The following BDP1 variants were observed in gnomAD, a reference collection of about 807,000 sequenced individuals.
BDP1 encodes the protein transcription factor TFIIIB component B'' homolog.
BDP1 carries 169 observed loss-of-function variants against 266.6 expected under a neutral mutation model. That is an observed-to-expected ratio of 0.63 (90% CI 0.56 to 0.72). The LOEUF (loss-of-function observed/expected upper bound fraction) is 0.72. Among genes scored for constraint, BDP1 ranks in the 30% least tolerant of loss-of-function variants. The pLI, the probability that BDP1 is intolerant of heterozygous loss-of-function variation, is 0.00. For missense variants in BDP1, 3,015 were observed against 3,053.8 expected (o/e 0.99, Z 0.30); for synonymous variants, 1,090 against 1,022.4 (o/e 1.07, Z -1.26).
chr5:71,512,506 T>A, intron 18 of BDP1, 78 bp downstream of exon 18: 2 of 974,934 alleles, frequency 2.1e-6, no homozygotes, highest in Non-Finnish European at 3.0e-6. Flanking sequence ...TTTCAAGATA[T>A]AACATATACA....
intron 2 of BDP1, among the ~76,000 whole-genome samples, 189 bp downstream of exon 2, chr5:71,459,044 A>T (rs539436312): frequency 6.6e-6 from 1 of 152,334 alleles, no homozygotes; most frequent in South Asian, 2.1e-4. Flanking sequence ...TTTTTCACTG[A>T]TAGTAATTTT....
At position 71,541,898 on chromosome 5, in the gene BDP1, G is replaced by A. The variant is rs555112156; in HGVS notation, c.6252-207G>A. Among the ~76,000 whole-genome samples, 4 of 152,222 alleles carry A rather than the reference G, an allele frequency of 2.6e-5. No homozygotes were observed. In the South Asian group the frequency reaches 8.3e-4, roughly 32 times the overall value. On this transcript the variant is annotated intron_variant, in intron 29 of 38. Transcript: ENST00000358731. ...TTTAATGAAATAGATTTATGTAAATGTCTCTGTTTTACAAATACAGACTAA... is the reference window on the plus strand; with the variant it reads ...TTTAATGAAATAGATTTATGTAAATATCTCTGTTTTACAAATACAGACTAA...
the BDP1 span, among the ~76,000 whole-genome samples, chr5:71,573,445 T>G: frequency 6.6e-6 from 1 of 152,082 alleles, no homozygotes; most frequent in Non-Finnish European, 1.5e-5. Context: ...ATCCAAATAA[T>G]GCACAGCAGC....
chr5:71,456,292 A>G (rs1044218525), intron 1 of BDP1, among the ~76,000 whole-genome samples: 11 of 152,206 alleles, frequency 7.2e-5, no homozygotes, highest in African/African-American at 2.4e-4. Flanking sequence ...GTCACGGTCT[A>G]TAGATTCTCC....
At chr5:71,494,032 A>G (rs1763740453) in intron 11 of BDP1, among the ~76,000 whole-genome samples, 1 of 152,240 alleles carries the variant, frequency 6.6e-6, no homozygotes, top group Non-Finnish European at 1.5e-5. Context: ...AGACATTTCT[A>G]TTAAGACGTA....
intron 7 of BDP1, among the ~76,000 whole-genome samples, chr5:71,478,436 A>G (rs1449543835): frequency 6.6e-6 from 1 of 152,190 alleles, no homozygotes; most frequent in African/African-American, 2.4e-5. Flanking sequence ...TCTACTGTTG[A>G]AAAATTTTCT....
At chr5:71,480,614 T>A (rs1262773362) in intron 7 of BDP1, among the ~76,000 whole-genome samples, 1 of 148,768 alleles carries the variant, frequency 6.7e-6, no homozygotes, top group Non-Finnish European at 1.5e-5. Context: ...TTGCCCAGGC[T>A]GGAGTTCAGT....
intron 26 of BDP1, among the ~76,000 whole-genome samples, chr5:71,533,468 A>AT (rs35347206): frequency 0.31 from 38,253 of 124,744 alleles, 6,672 homozygotes; most frequent in East Asian, 0.51. Flanking sequence ...TGTTCGGTGG[A>AT]TTTTTTTTTT....
In BDP1 at chr5:71,553,219, A is replaced by C; in HGVS notation, c.7099A>C (p.Arg2367=). Residue 2367 remains arginine, a synonymous_variant, in exon 35 of 39, where the codon AGG becomes CGG. Transcript: ENST00000358731. The part of the protein sequence containing the change: ...KPPDNLDLVS[R]KRFQCRLDKN... ...GCCTGATAATTTGGATCTTGTATCT[A>C]GGAAGAGATTTCAATGCAGGCTTGA... is the stretch of plus-strand genomic sequence containing the variant. The C allele has an allele frequency of 6.2e-7, 1 of 1,613,378 alleles. No homozygotes were observed. The highest frequency in any genetic ancestry group is 1.3e-5 in the African/African-American group (1 of 75,012).
At position 71,504,497 on chromosome 5, in the gene BDP1, T is replaced by A. The variant is rs1487253740; in HGVS notation, c.2242-124T>A. On this transcript the variant is annotated intron_variant, in intron 15 of 38. Transcript: ENST00000358731. ...TAAAGAAAAAACATTAAAAGTATTT[T>A]AAAGTCTCCATTTTATAATGTTGAA... 3 of 836,660 alleles carry A rather than the reference T, an allele frequency of 3.6e-6. No homozygotes were observed. The African/African-American group carries it at 5.2e-5, about 14-fold the overall frequency. The allele number at this position is 836,660 out of a possible 1,614,324, so 51.8% of individuals were successfully genotyped here. A position where few individuals can be genotyped will look rare whatever the true frequency, so the allele number is the denominator to read the frequency against.
rs201357054 is a variant in BDP1, at chr5:71,539,089, T to C, written c.5929+11T>C. The C allele has an allele frequency of 1.3e-4, 203 of 1,591,520 alleles. 1 individual carries two copies. In the African/African-American group the frequency reaches 2.3e-3, roughly 18 times the overall value. On this transcript the variant is annotated intron_variant, in intron 27 of 38. Transcript: ENST00000358731. ...TCCAAGATGAACCAGGTAACTGTTA[T>C]CAAGGAAACTGCTAAGACTACCTTG...
intron 4 of BDP1, 27 bp from the exon 5 acceptor site, chr5:71,466,069 G>T (rs1561670166): frequency 6.2e-7 from 1 of 1,607,444 alleles, no homozygotes; most frequent in African/African-American, 1.3e-5. Flanking sequence ...ATGCCTTTGT[G>T]AATTAACTTA....
At position 71,510,583 on chromosome 5, in the gene BDP1, A is replaced by T; in HGVS notation, c.3491A>T (p.Lys1164Met). ...SPEENGPEEVKPVDEMETDLK... is the reference protein window; with the variant it reads ...SPEENGPEEVMPVDEMETDLK... ...GAGGAAAATGGCCCAGAGGAGGTCA[A>T]GCCTGTAGATGAAATGGAGACAGAC... Residue 1164 changes from lysine (K) to methionine (M), a missense_variant, in exon 17 of 39, where the codon AAG (lysine) becomes ATG (methionine). Lys to Met is a moderately conservative substitution (Grantham distance 95). Coordinates refer to ENST00000358731, the MANE Select transcript of BDP1 (RefSeq NM_018429.3). 1 of 1,613,900 alleles carries T rather than the reference A, an allele frequency of 6.2e-7. No individual in the cohort carries two copies. The highest frequency in any genetic ancestry group is 8.5e-7 in the Non-Finnish European group (1 of 1,179,834).
chr5:71,489,764 G>T, intron 10 of BDP1, 82 bp downstream of exon 10: 4 of 1,224,770 alleles, frequency 3.3e-6, no homozygotes, highest in Non-Finnish European at 4.6e-6. Context: ...TTAATTTTCT[G>T]TCTAGATAGC....
intron 8 of BDP1, 101 bp downstream of exon 8, chr5:71,483,997 C>T (rs761595562): frequency 1.0e-6 from 1 of 973,026 alleles, no homozygotes; most frequent in Non-Finnish European, 1.6e-6. Flanking sequence ...TGTTTTGTTC[C>T]TGTATTGGCA....
Position 71,532,386 on chromosome 5 carries a change from A to G in BDP1, c.5851A>G (p.Thr1951Ala), listed in dbSNP as rs200701950. 151 of 1,613,546 alleles carry G rather than the reference A, an allele frequency of 9.4e-5. No individual in the cohort carries two copies. The highest frequency in any genetic ancestry group is 2.2e-5 in the East Asian group (1 of 44,812). ...EHELPNTDVTTEEMKQEENLS... is the reference protein window; with the variant it reads ...EHELPNTDVTAEEMKQEENLS... ...TGAGCTACCAAACACAGATGTGACT[A>G]CTGAAGAAATGAAACAAGAAGAAAA... The change falls in exon 26 of 39, where the codon ACT (threonine) becomes GCT (alanine). Residue 1951 changes from threonine to alanine, a missense_variant. Physicochemically the swap from Thr to Ala is moderately conservative, Grantham distance 58. Coordinates refer to ENST00000358731, the MANE Select transcript of BDP1 (RefSeq NM_018429.3).
In BDP1 at chr5:71,510,958, A is replaced by T. The variant is rs768261561; in HGVS notation, c.3866A>T (p.Asn1289Ile). The change falls in exon 17 of 39, where the codon AAT (asparagine) becomes ATT (isoleucine). Residue 1289 changes from asparagine to isoleucine, a missense_variant. By Grantham distance (149) the Asn-to-Ile change is moderately radical. This residue lies in a region of BDP1 where 2,383 missense variants were observed against 2,404.9 expected (regional missense o/e 0.99). Transcript: ENST00000358731. ...EADLKETGKE[N>I]FRERGSEEIC... The stretch of plus-strand genomic sequence containing the variant: ...GATTTGAAAGAAACTGGAAAAGAAA[A>T]TTTTAGAGAGAGAGGATCTGAAGAG... 4 of 1,614,148 alleles carry T rather than the reference A, an allele frequency of 2.5e-6. 1 individual carries two copies.
At chr5:71,521,946 C>T (rs573832974) in intron 22 of BDP1, among the ~76,000 whole-genome samples, 125 of 143,482 alleles carry the variant, frequency 8.7e-4, no homozygotes, top group Non-Finnish European at 1.2e-3. Context: ...TGAAATCCAT[C>T]TTCAGCTACT....
intron 16 of BDP1, among the ~76,000 whole-genome samples, chr5:71,505,964 G>T (rs1375973459): frequency 6.6e-6 from 1 of 152,104 alleles, no homozygotes; most frequent in Non-Finnish European, 1.5e-5. Flanking sequence ...TCTATTTCTT[G>T]TTGCCTTCAC....
Sources: allele counts gnomAD v4.1 joint callset (sites outside exome capture counted in the v4.1 genomes callset), GRCh38; gene constraint gnomAD v4.1.1; regional missense constraint gnomAD v4.1.1; transcripts MANE v1.5; gene names NCBI Gene and HGNC (gene_info 2026-07-23, HGNC 2026-07-21).